The following GPC6 variants were observed in gnomAD, a reference collection of about 807,000 sequenced individuals.
The protein encoded by GPC6 is glypican 6.
GPC6 carries 14 observed loss-of-function variants against 55.2 expected under a neutral mutation model. The ratio of observed to expected loss-of-function variants is 0.25; its 90% CI spans 0.17 to 0.40. The LOEUF is 0.40. GPC6 is among the 10% of genes least tolerant of loss of function. GPC6 has a pLI of 1.00. For synonymous variants in GPC6, 278 were observed against 259.6 expected (o/e 1.07, Z -0.68); for missense variants, 641 against 708.5 (o/e 0.90, Z 1.08).
At chr13:93,530,429 G>C (rs761754992) in intron 1 of GPC6, among the ~76,000 whole-genome samples, 6 of 152,106 alleles carry the variant, frequency 3.9e-5, no homozygotes, top group Non-Finnish European at 7.3e-5. Flanking sequence ...ATTTTCCTTT[G>C]AGGCAAATAG....
chr13:94,072,942 G>C (rs1182596640), intron 4 of GPC6, among the ~76,000 whole-genome samples: 1 of 152,152 alleles, frequency 6.6e-6, no homozygotes, highest in African/African-American at 2.4e-5. Flanking sequence ...GAGAGTGGAA[G>C]GCATGCAAGA....
chr13:94,077,592 G>C (rs758724308), intron 4 of GPC6, among the ~76,000 whole-genome samples: 1 of 151,744 alleles, frequency 6.6e-6, no homozygotes, highest in Non-Finnish European at 1.5e-5. Context: ...TCAGTATGAT[G>C]TTAGCTATAG....
At chr13:94,341,129 T>A (rs1342906292) in intron 6 of GPC6, among the ~76,000 whole-genome samples, 1 of 152,246 alleles carries the variant, frequency 6.6e-6, no homozygotes, top group Non-Finnish European at 1.5e-5. Flanking sequence ...TGTTGAGTAT[T>A]GACTTCCTTC....
chr13:93,494,779 A>G (rs1386844887), intron 1 of GPC6, among the ~76,000 whole-genome samples: 2 of 149,602 alleles, frequency 1.3e-5, no homozygotes, highest in African/African-American at 4.9e-5. Flanking sequence ...TCCTTCACTT[A>G]TGAAGCTTAG....
intron 2 of GPC6, among the ~76,000 whole-genome samples, chr13:93,793,171 A>G (rs1886099037): frequency 6.6e-6 from 1 of 152,208 alleles, no homozygotes; most frequent in African/African-American, 2.4e-5. Flanking sequence ...TGTGGGGAGT[A>G]TGGGATTGAA....
At chr13:94,331,974 T>C (rs1009262705) in intron 6 of GPC6, among the ~76,000 whole-genome samples, 3 of 152,192 alleles carry the variant, frequency 2.0e-5, no homozygotes, top group Non-Finnish European at 2.9e-5. Context: ...TCTAAAGTCA[T>C]GTAAGATTTT....
chr13:94,345,781 A>G (rs1878256357), intron 6 of GPC6, among the ~76,000 whole-genome samples: 1 of 152,174 alleles, frequency 6.6e-6, no homozygotes, highest in Non-Finnish European at 1.5e-5. Flanking sequence ...AGAGCACTGT[A>G]GCTTCCTAGG....
chr13:93,671,654 T>C (rs1237675386), intron 2 of GPC6, among the ~76,000 whole-genome samples: 1 of 151,974 alleles, frequency 6.6e-6, no homozygotes, highest in Admixed American at 6.6e-5. Context: ...TTATCTGACC[T>C]AAGGATGGCC....
intron 4 of GPC6, among the ~76,000 whole-genome samples, chr13:94,210,090 C>A (rs1890032213): frequency 6.6e-6 from 1 of 151,978 alleles, no homozygotes; most frequent in Non-Finnish European, 1.5e-5. Flanking sequence ...TCAAGCAATC[C>A]TCCCTCCTTA....
chr13:93,913,302 G>C (rs1877107369), intron 3 of GPC6, among the ~76,000 whole-genome samples: 1 of 152,176 alleles, frequency 6.6e-6, no homozygotes, highest in Non-Finnish European at 1.5e-5. Context: ...TTGTTGAACA[G>C]CCCTTGGTCT....
intron 2 of GPC6, among the ~76,000 whole-genome samples, chr13:93,651,461 C>T (rs904868728): frequency 6.6e-6 from 1 of 152,164 alleles, no homozygotes; most frequent in Non-Finnish European, 1.5e-5. Context: ...CAGCGACTTA[C>T]ATGTCACCTT....
chr13:93,389,249 G>C (rs1231451215), intron 1 of GPC6, among the ~76,000 whole-genome samples: 10 of 152,002 alleles, frequency 6.6e-5, no homozygotes, highest in Non-Finnish European at 1.5e-4. Context: ...TGTAATCCCA[G>C]CACTTTGGGA....
intron 2 of GPC6, among the ~76,000 whole-genome samples, chr13:93,632,064 G>C (rs1345617955): frequency 6.6e-6 from 1 of 152,182 alleles, no homozygotes; most frequent in Non-Finnish European, 1.5e-5. Flanking sequence ...TAGCATTTCA[G>C]ATTCCAAAGT....
intron 2 of GPC6, among the ~76,000 whole-genome samples, chr13:93,796,944 C>T (rs149139035): frequency 2.6e-5 from 4 of 152,344 alleles, no homozygotes; most frequent in Non-Finnish European, 4.4e-5. Flanking sequence ...AAAATCAAAG[C>T]GTCTAACTTT....
chr13:93,230,778 T>G (rs2139000379), intron 1 of GPC6, among the ~76,000 whole-genome samples: 1 of 152,242 alleles, frequency 6.6e-6, no homozygotes, highest in East Asian at 1.9e-4. Flanking sequence ...CCTCCTCATG[T>G]TGGTGGCTCT....
At chr13:93,517,283 A>T (rs1043844478) in intron 1 of GPC6, among the ~76,000 whole-genome samples, 1 of 152,096 alleles carries the variant, frequency 6.6e-6, no homozygotes, top group African/African-American at 2.4e-5. Context: ...TTCTTGCCTC[A>T]TATTTAATTT....
At chr13:93,762,851 T>C (rs978119009) in intron 2 of GPC6, among the ~76,000 whole-genome samples, 1 of 152,212 alleles carries the variant, frequency 6.6e-6, no homozygotes, top group African/African-American at 2.4e-5. Flanking sequence ...CCACCATTTA[T>C]GCTATTTGAG....
At chr13:93,395,402 C>A in intron 1 of GPC6, 1 of 295,320 alleles carries the variant, frequency 3.4e-6, no homozygotes, top group Non-Finnish European at 6.6e-6. Flanking sequence ...AGAATCACGG[C>A]CATCAAAAGT....
At chr13:93,670,960 G>C (rs1157427157) in intron 2 of GPC6, among the ~76,000 whole-genome samples, 1 of 152,150 alleles carries the variant, frequency 6.6e-6, no homozygotes, top group African/African-American at 2.4e-5. Context: ...AAAGCGTCCT[G>C]CCTTGGCTTC....
Sources: allele counts gnomAD v4.1 joint callset (sites outside exome capture counted in the v4.1 genomes callset), GRCh38; gene constraint gnomAD v4.1.1; transcripts MANE v1.5; gene names NCBI Gene and HGNC (gene_info 2026-07-23, HGNC 2026-07-21).